DAB1: variants seen among roughly 807,000 people sequenced by gnomAD.
DAB1 encodes DAB adaptor protein 1, also known as disabled homolog 1.
DAB1 carries 15 observed loss-of-function variants against 64.6 expected under a neutral mutation model. That is an observed-to-expected ratio of 0.23 (90% CI 0.16 to 0.36). The LOEUF is 0.36. Among genes scored for constraint, DAB1 ranks in the 10% least tolerant of loss-of-function variants. The probability of loss-of-function intolerance (pLI) is 1.00; values close to 1 mark genes in which losing one functional copy is unlikely to be tolerated. For synonymous variants in DAB1, 235 were observed against 251.9 expected, an observed-to-expected ratio of 0.93 and a Z score of 0.64; for missense variants, 596 against 706.7, an observed-to-expected ratio of 0.84 and a Z score of 1.78.
At chr1:57,561,810 C>T (rs1188972940) in intron 7 of DAB1, among the ~76,000 whole-genome samples, 1 of 152,214 alleles carries the variant, frequency 6.6e-6, no homozygotes, top group Non-Finnish European at 1.5e-5. Context: ...GCAGCAGAGA[C>T]CAACACTGAG....
intron 7 of DAB1, among the ~76,000 whole-genome samples, chr1:57,465,942 T>C (rs1005011802): frequency 6.6e-6 from 1 of 152,250 alleles, no homozygotes; most frequent in Non-Finnish European, 1.5e-5. Flanking sequence ...ATGTTTTATA[T>C]GCCAGCTGAC....
Position 57,791,530 on chromosome 1 carries a change from G to A in DAB1, n.551+92469C>T, listed in dbSNP as rs559106247. ...TCAAATCCTAGGTCTGCTACTTACC[G>A]TGTGAACTTGGGCAGGTTATTTAAC... On this transcript the variant is annotated intron_variant and non_coding_transcript_variant, in intron 6 of 20. Coordinates refer to the DAB1 transcript ENST00000485760. Among the ~76,000 whole-genome samples the A allele has an allele frequency of 5.3e-5, 8 of 152,166 alleles. No homozygotes were observed. The South Asian group carries it at 1.0e-3, about 20-fold the overall frequency.
intron 5 of DAB1, among the ~76,000 whole-genome samples, chr1:58,105,202 C>T (rs561944963): frequency 1.3e-5 from 2 of 152,204 alleles, no homozygotes; most frequent in African/African-American, 4.8e-5. Context: ...AACAGTTCCT[C>T]GTTTTGGTGG....
At chr1:57,493,030 T>C (rs1271445996) in intron 7 of DAB1, among the ~76,000 whole-genome samples, 1 of 152,106 alleles carries the variant, frequency 6.6e-6, no homozygotes, top group Non-Finnish European at 1.5e-5. Context: ...ACCCCGTGAT[T>C]CCACTCTCAG....
At chr1:57,799,497 T>C (rs1651022929) in intron 6 of DAB1, among the ~76,000 whole-genome samples, 1 of 151,696 alleles carries the variant, frequency 6.6e-6, no homozygotes, top group Non-Finnish European at 1.5e-5. Context: ...TTTCAAAGTG[T>C]TTCCAGGCCA....
chr1:57,515,269 T>G (rs1644450635), intron 7 of DAB1, among the ~76,000 whole-genome samples: 1 of 152,228 alleles, frequency 6.6e-6, no homozygotes, highest in Non-Finnish European at 1.5e-5. Context: ...CAATTTAGAC[T>G]TCCCCTGAAA....
chr1:57,841,548 A>T (rs1169413204), intron 1 of DAB1, among the ~76,000 whole-genome samples: 2 of 152,078 alleles, frequency 1.3e-5, no homozygotes, highest in South Asian at 4.1e-4. Flanking sequence ...CTAAAGCTCA[A>T]CTCTTGTCTT....
chr1:58,453,010 T>C (rs1425971659), intron 3 of DAB1, among the ~76,000 whole-genome samples: 1 of 152,102 alleles, frequency 6.6e-6, no homozygotes, highest in African/African-American at 2.4e-5. Flanking sequence ...CTGGAAACAA[T>C]GCGGCGTGGA....
intron 4 of DAB1, among the ~76,000 whole-genome samples, chr1:58,199,379 T>C (rs1021557092): frequency 6.6e-6 from 1 of 152,204 alleles, no homozygotes; most frequent in East Asian, 1.9e-4. Flanking sequence ...TTGGCAGGAA[T>C]AACAATGTCT....
intron 5 of DAB1, among the ~76,000 whole-genome samples, chr1:58,006,223 G>A (rs571704429): frequency 6.6e-6 from 1 of 152,162 alleles, no homozygotes; most frequent in Non-Finnish European, 1.5e-5. Context: ...TCTATCATGT[G>A]AGATAAAAAG....
chr1:57,617,412 G>A (rs1303630270), intron 7 of DAB1, among the ~76,000 whole-genome samples: 1 of 152,102 alleles, frequency 6.6e-6, no homozygotes, highest in South Asian at 2.1e-4. Flanking sequence ...CCTTCTGAGA[G>A]GCTCCTTACT....
At chr1:57,249,140 C>T (rs949692420) in intron 2 of DAB1, among the ~76,000 whole-genome samples, 10 of 152,086 alleles carry the variant, frequency 6.6e-5, no homozygotes, top group Admixed American at 1.3e-4. Context: ...GAGGAACTTA[C>T]GTTCTAGCCA....
intron 5 of DAB1, among the ~76,000 whole-genome samples, chr1:58,140,126 G>A (rs897396916): frequency 6.6e-6 from 1 of 151,990 alleles, no homozygotes; most frequent in Non-Finnish European, 1.5e-5. Flanking sequence ...TTCAACATTT[G>A]CCAATGGTTA....
chr1:58,256,312 G>A (rs555710109), intron 4 of DAB1, among the ~76,000 whole-genome samples: 12 of 152,170 alleles, frequency 7.9e-5, no homozygotes, highest in Non-Finnish European at 1.8e-4. Context: ...TACCGAAGCC[G>A]GTGTGTGCCT....
At chr1:58,511,375 T>C (rs1646074135) in intron 2 of DAB1, among the ~76,000 whole-genome samples, 1 of 152,136 alleles carries the variant, frequency 6.6e-6, no homozygotes, top group African/African-American at 2.4e-5. Context: ...AGGCCAGGTA[T>C]GGTGGTTCAT....
chr1:57,469,987 C>T (rs1687085237), intron 7 of DAB1, among the ~76,000 whole-genome samples: 1 of 152,110 alleles, frequency 6.6e-6, no homozygotes, highest in African/African-American at 2.4e-5. Flanking sequence ...TATTAACATC[C>T]CACACTTGAG....
intron 1 of DAB1, among the ~76,000 whole-genome samples, chr1:57,328,943 C>T (rs1403342954): frequency 6.6e-6 from 1 of 152,174 alleles, no homozygotes; most frequent in African/African-American, 2.4e-5. Flanking sequence ...TATTAATCTA[C>T]AGACAGTGCT....
chr1:57,498,914 C>A (rs77919479), intron 7 of DAB1, among the ~76,000 whole-genome samples: 7,869 of 152,190 alleles, frequency 0.052, 680 homozygotes, highest in African/African-American at 0.18. Flanking sequence ...GAACTAGGCT[C>A]ACTCTCCTCT....
intron 3 of DAB1, among the ~76,000 whole-genome samples, chr1:58,411,843 A>C (rs977791560): frequency 6.6e-6 from 1 of 152,010 alleles, no homozygotes; most frequent in Non-Finnish European, 1.5e-5. Context: ...TTATCTCTCT[A>C]TTTTGTACAC....
Sources: allele counts gnomAD v4.1 joint callset (sites outside exome capture counted in the v4.1 genomes callset), GRCh38; gene constraint gnomAD v4.1.1; transcripts MANE v1.5; gene names NCBI Gene and HGNC (gene_info 2026-07-23, HGNC 2026-07-21).